Variants in AKAP19 observed in about 807,000 individuals in gnomAD.
AKAP19 encodes the protein small A-kinase anchoring protein.
the AKAP19 span, among the ~76,000 whole-genome samples, chr2:190,166,298 T>TA: frequency 5.7e-3 from 547 of 95,670 alleles, 4 homozygotes; most frequent in African/African-American, 0.019. Flanking sequence ...GTGAAGGAAT[T>TA]AAAAAAAAAA....
the AKAP19 span, among the ~76,000 whole-genome samples, chr2:190,194,200 A>G: frequency 3.3e-5 from 5 of 152,168 alleles, no homozygotes; most frequent in Admixed American, 1.3e-4. Context: ...TATGCACTTG[A>G]TAAGAATATG....
chr2:189,995,685 T>G, the AKAP19 span, among the ~76,000 whole-genome samples: 187 of 151,726 alleles, frequency 1.2e-3, 1 homozygote, highest in African/African-American at 3.7e-3. Context: ...CCTTGTGTGT[T>G]TTTTTTTTCA....
At chr2:189,898,534 A>G in the AKAP19 span, among the ~76,000 whole-genome samples, 1 of 151,886 alleles carries the variant, frequency 6.6e-6, no homozygotes, top group East Asian at 1.9e-4. Context: ...ATGCCTCTCT[A>G]CTCATATCTT....
At chr2:189,917,456 A>G in the AKAP19 span, 4 of 715,260 alleles carry the variant, frequency 5.6e-6, no homozygotes, top group South Asian at 4.7e-5. Flanking sequence ...GATGTTTTTC[A>G]GGAATTACTG....
the AKAP19 span, among the ~76,000 whole-genome samples, chr2:190,182,554 AG>A: frequency 1.1e-4 from 17 of 152,188 alleles, no homozygotes; most frequent in African/African-American, 3.9e-4. Context: ...AGAGGTGCCT[AG>A]GAGTCAGTAA....
chr2:190,065,211 A>C, the AKAP19 span, among the ~76,000 whole-genome samples: 2 of 152,032 alleles, frequency 1.3e-5, no homozygotes, highest in Admixed American at 6.6e-5. Flanking sequence ...CATAGTGCTG[A>C]CGTGCTGCGT....
the AKAP19 span, among the ~76,000 whole-genome samples, chr2:190,033,135 T>G: frequency 6.6e-6 from 1 of 152,180 alleles, no homozygotes; most frequent in Non-Finnish European, 1.5e-5. Context: ...TACTTACATT[T>G]ATCCCCAGCC....
the AKAP19 span, chr2:190,055,928 G>A: frequency 6.6e-6 from 1 of 152,370 alleles, no homozygotes; most frequent in Non-Finnish European, 1.5e-5. Flanking sequence ...TCAGATAATA[G>A]AGTCAATTAT....
At chr2:190,190,856 C>T in the AKAP19 span, among the ~76,000 whole-genome samples, 1 of 152,116 alleles carries the variant, frequency 6.6e-6, no homozygotes, top group Admixed American at 6.5e-5. Flanking sequence ...AGATTTGTTA[C>T]AGCCACCACC....
At chr2:190,187,349 T>C in the AKAP19 span, among the ~76,000 whole-genome samples, 1 of 151,714 alleles carries the variant, frequency 6.6e-6, no homozygotes, top group African/African-American at 2.4e-5. Flanking sequence ...ATCCAGTGTT[T>C]AAGATGGACT....
At chr2:190,074,987 G>A in the AKAP19 span, among the ~76,000 whole-genome samples, 1 of 151,626 alleles carries the variant, frequency 6.6e-6, no homozygotes, top group African/African-American at 2.4e-5. Flanking sequence ...GAGGTTCTTT[G>A]CCGTGATGAA....
chr2:190,055,145 G>T, the AKAP19 span, among the ~76,000 whole-genome samples: 4 of 152,200 alleles, frequency 2.6e-5, no homozygotes, highest in East Asian at 7.7e-4. Context: ...ATACTATGCA[G>T]CCATACAAAA....
At chr2:189,903,774 C>A in the AKAP19 span, among the ~76,000 whole-genome samples, 1 of 151,872 alleles carries the variant, frequency 6.6e-6, no homozygotes. Flanking sequence ...AAGTAGTTTT[C>A]CAACCCATGT....
chr2:189,969,095 T>A, the AKAP19 span, among the ~76,000 whole-genome samples: 1 of 152,112 alleles, frequency 6.6e-6, no homozygotes, highest in Admixed American at 6.5e-5. Context: ...GCAGTACCAA[T>A]TTGCCTTTTT....
chr2:190,012,343 G>A, the AKAP19 span, among the ~76,000 whole-genome samples: 7 of 151,758 alleles, frequency 4.6e-5, no homozygotes, highest in African/African-American at 1.7e-4. Flanking sequence ...TTACCTCCTT[G>A]GTTAAATGTA....
the AKAP19 span, among the ~76,000 whole-genome samples, chr2:190,081,318 G>A: frequency 3.3e-5 from 5 of 151,630 alleles, no homozygotes. Flanking sequence ...CATTACCTGA[G>A]ATATTTTCAT....
At chr2:189,912,128 A>G in the AKAP19 span, among the ~76,000 whole-genome samples, 5 of 152,130 alleles carry the variant, frequency 3.3e-5, no homozygotes, top group East Asian at 9.6e-4. Context: ...TACATATAAT[A>G]AGCCTTATTA....
chr2:189,999,877 G>A, the AKAP19 span, among the ~76,000 whole-genome samples: 660 of 152,306 alleles, frequency 4.3e-3, 7 homozygotes, highest in African/African-American at 0.015. Context: ...GACATATGAC[G>A]TAATGTGACT....
chr2:189,990,000 A>G, the AKAP19 span, among the ~76,000 whole-genome samples: 1 of 152,172 alleles, frequency 6.6e-6, no homozygotes, highest in East Asian at 1.9e-4. Context: ...CTTTTTTCCC[A>G]GAAATCGACT....
Sources: allele counts gnomAD v4.1 joint callset (sites outside exome capture counted in the v4.1 genomes callset), GRCh38; gene constraint gnomAD v4.1.1; transcripts MANE v1.5; gene names NCBI Gene and HGNC (gene_info 2026-07-23, HGNC 2026-07-21).